ST6GAL1: variants seen among roughly 807,000 people sequenced by gnomAD.
ST6GAL1 encodes ST6 beta-galactoside alpha-2,6-sialyltransferase 1.
ST6GAL1 carries 20 observed loss-of-function variants against 38.0 expected under a neutral mutation model. The observed-to-expected ratio is 0.53, with a 90% CI of 0.37 to 0.77. The LOEUF is 0.77. ST6GAL1 is among the 30% of genes least tolerant of loss of function. The pLI is 0.00. For missense variants in ST6GAL1, 432 were observed against 496.4 expected (o/e 0.87, Z 1.23); for synonymous variants, 196 against 188.2 (o/e 1.04, Z -0.34).
intron 2 of ST6GAL1, chr3:187,025,336 G>A (rs1161909209): frequency 1.3e-5 from 2 of 152,200 alleles, no homozygotes; most frequent in South Asian, 2.1e-4. Flanking sequence ...TGGCGGGCCC[G>A]TTTTCTTCTT....
intron 1 of ST6GAL1, 94 bp from the exon 2 acceptor site, chr3:186,963,690 CA>C (rs1450461768): frequency 2.6e-5 from 4 of 152,282 alleles, no homozygotes; most frequent in African/African-American, 9.6e-5. Context: ...CCGGAGCTGG[CA>C]GTGGGAGGAG....
rs575576787 is a variant in ST6GAL1, at chr3:187,027,057, T to A, written c.-182-11685T>A. ...GAGGGAGACTCTGTCTCCAAAAAAA[T>A]AAATAAATAAATAAAAAATAAAAAA... On this transcript the variant is annotated intron_variant, in intron 2 of 7. Transcript: ENST00000169298. Among the ~76,000 whole-genome samples the A allele has an allele frequency of 7.2e-3, 1,066 of 148,816 alleles. 11 individuals carry two copies. Among genetic ancestry groups the A allele is most frequent in the African/African-American group, 0.024 (979 of 40,414 alleles).
At position 186,984,809 on chromosome 3, in the gene ST6GAL1, T is replaced by C. The variant is rs55679239; in HGVS notation, c.-183+20883T>C. ...CTCCCTTCCTTCCTTCCTTCCATCC[T>C]TCCTTCCTTCCTTCCTTCCCTCCCT... is the stretch of plus-strand genomic sequence containing the variant. On this transcript the variant is annotated intron_variant, in intron 2 of 7. Transcript: ENST00000169298. Among the ~76,000 whole-genome samples, 56 of 37,756 alleles carry C rather than the reference T, an allele frequency of 1.5e-3. 2 individuals carry two copies. Among genetic ancestry groups the C allele is most frequent in the East Asian group, 0.011 (9 of 800 alleles). The allele number at this position is 37,756 out of a possible 152,430, so 24.8% of individuals were successfully genotyped here. A position where few individuals can be genotyped will look rare whatever the true frequency, so the allele number is the denominator to read the frequency against.
intron 2 of ST6GAL1, among the ~76,000 whole-genome samples, chr3:187,026,228 A>G (rs1717531528): frequency 6.6e-6 from 1 of 152,182 alleles, no homozygotes; most frequent in Non-Finnish European, 1.5e-5. Flanking sequence ...TGTTTTGACA[A>G]ATGATTAATG....
chr3:187,013,534 C>T (rs559238814), intron 2 of ST6GAL1, among the ~76,000 whole-genome samples: 1 of 152,318 alleles, frequency 6.6e-6, no homozygotes, highest in South Asian at 2.1e-4. Context: ...ATTCTCTTTG[C>T]TGTGGAGCAG....
In ST6GAL1 at chr3:187,048,880, A is replaced by ATTTTTT. The variant is rs374148828; in HGVS notation, c.608-2346_608-2341dup. 4.0e-3 allele frequency among the ~76,000 whole-genome samples: 466 copies of ATTTTTT among 115,354 alleles called. 29 individuals are homozygous for ATTTTTT. The highest frequency in any genetic ancestry group is 0.017 in the African/African-American group (438 of 26,488). The allele number at this position is 115,354 out of a possible 152,430, so 75.7% of individuals were successfully genotyped here. ...TCTGGCTCTGTCCCTGAGAAATTGA[A>ATTTTTT]TTTTTTTTTTTTTTTTTTTTTTTTT... On this transcript the variant is annotated intron_variant, in intron 4 of 7. Coordinates refer to ENST00000169298, the MANE Select transcript of ST6GAL1 (RefSeq NM_173216.2).
rs1719485171 is a variant in ST6GAL1, at chr3:187,074,224, T to A, written c.870T>A (p.Asn290Lys). The change falls in exon 7 of 8, where the codon AAT becomes AAA. Residue 290 changes from asparagine to lysine, a missense_variant. Asn to Lys is a moderately conservative substitution (Grantham distance 94). Coordinates refer to ENST00000169298, the MANE Select transcript of ST6GAL1 (RefSeq NM_173216.2). ...NYKTYRKLHP[N>K]QPFYILKPQM... is the part of the protein sequence containing the mutation. ...AGACTTATCGTAAGCTGCACCCCAA[T>A]CAGCCCTTTTACATCCTCAAGCCCC... is the stretch of plus-strand genomic sequence containing the variant. 8 of 1,613,006 alleles carry A rather than the reference T, an allele frequency of 5.0e-6. No homozygotes were observed. The highest frequency in any genetic ancestry group is 1.3e-5 in the African/African-American group (1 of 74,918).
At chr3:186,972,890 G>A (rs1035493717) in intron 2 of ST6GAL1, among the ~76,000 whole-genome samples, 6 of 152,152 alleles carry the variant, frequency 3.9e-5, no homozygotes, top group Non-Finnish European at 8.8e-5. Context: ...GGGATGTTGA[G>A]ATGGGAAATG....
chr3:186,983,881 T>C (rs888211445), intron 2 of ST6GAL1, among the ~76,000 whole-genome samples: 2 of 152,026 alleles, frequency 1.3e-5, no homozygotes, highest in African/African-American at 4.8e-5. Flanking sequence ...ATCAAGAACA[T>C]CCGAAAAGCT....
chr3:187,051,246 T>C lies in ST6GAL1; in HGVS notation c.608-3T>C, dbSNP rs536813005. 3 of 1,613,946 alleles carry C rather than the reference T, an allele frequency of 1.9e-6. No homozygotes were observed. Among genetic ancestry groups the C allele is most frequent in the African/African-American group, 2.7e-5 (2 of 75,024 alleles). On this transcript the variant is annotated splice_region_variant and splice_polypyrimidine_tract_variant and intron_variant, in intron 4 of 7. Coordinates refer to ENST00000169298, the MANE Select transcript of ST6GAL1 (RefSeq NM_173216.2). ...CTCTTTTCTGTTTCTTTGTGGTTTA[T>C]AGATGATCATGACGCAGTCCTGAGG...
intron 5 of ST6GAL1, among the ~76,000 whole-genome samples, chr3:187,066,377 C>A (rs1053707223): frequency 1.3e-5 from 2 of 152,026 alleles, no homozygotes; most frequent in African/African-American, 4.8e-5. Context: ...GTTGTAAGGA[C>A]ACTGGCCCCA....
At chr3:186,946,080 T>C (rs9820223) in intron 1 of ST6GAL1, among the ~76,000 whole-genome samples, 51,452 of 148,876 alleles carry the variant, frequency 0.35, 9,098 homozygotes, top group Middle Eastern at 0.52. Context: ...GCCAAGCGGG[T>C]GGATCACCTG....
intron 1 of ST6GAL1, among the ~76,000 whole-genome samples, chr3:186,943,730 G>A (rs1198422142): frequency 1.3e-5 from 2 of 152,234 alleles, no homozygotes; most frequent in Admixed American, 1.3e-4. Flanking sequence ...TTACAGGCAT[G>A]AGCCACCATG....
chr3:187,007,863 A>G (rs1443915451), intron 2 of ST6GAL1, among the ~76,000 whole-genome samples: 4 of 152,210 alleles, frequency 2.6e-5, no homozygotes, highest in Admixed American at 2.6e-4. Flanking sequence ...ATCAGATAGA[A>G]ATTTTAGACC....
chr3:187,027,401 A>G (rs1717580349), intron 2 of ST6GAL1, among the ~76,000 whole-genome samples: 1 of 152,064 alleles, frequency 6.6e-6, no homozygotes, highest in Non-Finnish European at 1.5e-5. Context: ...TCCCCCCAAT[A>G]TTCTCCCAAC....
chr3:187,006,497 AGTTACG>A, intron 2 of ST6GAL1: 1 of 152,340 alleles, frequency 6.6e-6, no homozygotes, highest in East Asian at 1.9e-4. Flanking sequence ...TCATCTGTAG[AGTTACG>A]GCAACCTGTG....
At chr3:186,969,663 C>T (rs1715282378) in intron 2 of ST6GAL1, among the ~76,000 whole-genome samples, 1 of 152,174 alleles carries the variant, frequency 6.6e-6, no homozygotes, top group East Asian at 1.9e-4. Context: ...CTAATTATTG[C>T]AATTCAGTTG....
At chr3:187,059,291 G>C (rs1193355269) in intron 5 of ST6GAL1, among the ~76,000 whole-genome samples, 3 of 152,164 alleles carry the variant, frequency 2.0e-5, no homozygotes, top group Non-Finnish European at 4.4e-5. Flanking sequence ...AGAGAGATGA[G>C]GCTGGACCTT....
At chr3:186,971,214 G>GA in intron 2 of ST6GAL1, among the ~76,000 whole-genome samples, 4 of 152,226 alleles carry the variant, frequency 2.6e-5, no homozygotes, top group African/African-American at 9.6e-5. Flanking sequence ...TCAGCCTCCT[G>GA]AGTAGCTGGG....
Sources: gnomAD v4.1 joint callset for allele counts (sites outside exome capture counted in the v4.1 genomes callset) on GRCh38, gnomAD v4.1.1 for gene constraint, MANE v1.5 for transcripts, NCBI Gene and HGNC (gene_info 2026-07-23, HGNC 2026-07-21) for gene names.